LINGO2: variants seen among roughly 807,000 people sequenced by gnomAD.
The protein encoded by LINGO2 is leucine-rich repeat and immunoglobulin-like domain-containing nogo receptor-interacting protein 2.
LINGO2 carries 14 observed loss-of-function variants against 30.6 expected under a neutral mutation model. The ratio of observed to expected loss-of-function variants is 0.46; its 90% CI spans 0.30 to 0.72. LINGO2 has a LOEUF of 0.72. Ranked by LOEUF, LINGO2 falls within the 30% of genes least tolerant of loss-of-function variation. The pLI is 0.07. For missense variants in LINGO2, 729 were observed against 751.7 expected (o/e 0.97, Z 0.35); for synonymous variants, 317 against 288.5 (o/e 1.10, Z -1.00).
intron 1 of LINGO2, among the ~76,000 whole-genome samples, chr9:28,571,960 A>G (rs1031422651): frequency 5.9e-5 from 9 of 152,050 alleles, no homozygotes; most frequent in African/African-American, 2.2e-4. Flanking sequence ...AAGATAGAGT[A>G]TAACATGAGG....
At chr9:28,592,674 T>C (rs1824974310) in intron 1 of LINGO2, among the ~76,000 whole-genome samples, 1 of 151,914 alleles carries the variant, frequency 6.6e-6, no homozygotes, top group African/African-American at 2.4e-5. Flanking sequence ...GGTATGGAGG[T>C]ATGGGTGTTA....
At chr9:28,374,204 TTTTATTTATATA>T (rs1821026626) in intron 2 of LINGO2, among the ~76,000 whole-genome samples, 1 of 87,454 alleles carries the variant, frequency 1.1e-5, no homozygotes, top group Admixed American at 9.6e-5. Flanking sequence ...AAAAATATGT[TTTTATTTATATA>T]TATATATATA....
rs540669240 is a variant in LINGO2 at position 27,975,363 on chromosome 9, C to A, written c.-35-24657G>T. Among the ~76,000 whole-genome samples the A allele has an allele frequency of 1.3e-4, 19 of 151,764 alleles. No individual in the cohort carries two copies. In the South Asian group the frequency reaches 4.0e-3, roughly 32 times the overall value. ...AACCTACTTGGAATAGTGGTAAATG[C>A]TTAACAACTGGCTTTCCAAAGGGTG... On this transcript the variant is annotated intron_variant, in intron 5 of 5. Transcript: ENST00000379992.
At chr9:28,353,567 A>G (rs1415599315) in intron 3 of LINGO2, among the ~76,000 whole-genome samples, 1 of 150,658 alleles carries the variant, frequency 6.6e-6, no homozygotes, top group East Asian at 2.0e-4. Flanking sequence ...ACTGTAAACT[A>G]GTTCAACCAT....
intron 4 of LINGO2, among the ~76,000 whole-genome samples, chr9:28,155,220 C>T (rs1471018764): frequency 6.6e-6 from 1 of 152,152 alleles, no homozygotes; most frequent in Non-Finnish European, 1.5e-5. Context: ...AGACTTCCAG[C>T]AAATTCAACA....
At chr9:28,888,201 T>C in the LINGO2 span, among the ~76,000 whole-genome samples, 1 of 152,050 alleles carries the variant, frequency 6.6e-6, no homozygotes, top group African/African-American at 2.4e-5. Context: ...TTTACTATAT[T>C]CCTCCTTCAG....
chr9:27,981,478 T>C (rs1019534704), intron 5 of LINGO2, among the ~76,000 whole-genome samples: 3 of 142,066 alleles, frequency 2.1e-5, no homozygotes, highest in Non-Finnish European at 3.0e-5. Flanking sequence ...AGGGTTATTT[T>C]GAAGTATGGT....
the LINGO2 span, among the ~76,000 whole-genome samples, chr9:28,751,510 T>G: frequency 6.6e-6 from 1 of 151,928 alleles, no homozygotes; most frequent in African/African-American, 2.4e-5. Flanking sequence ...ATGACACACC[T>G]ATCACTCCAT....
At chr9:28,037,898 T>C (rs777778806) in intron 4 of LINGO2, among the ~76,000 whole-genome samples, 5 of 152,222 alleles carry the variant, frequency 3.3e-5, no homozygotes, top group African/African-American at 4.8e-5. Flanking sequence ...AAGTAACTCA[T>C]ATACAGTGTC....
At chr9:28,110,666 C>T (rs980692130) in intron 4 of LINGO2, among the ~76,000 whole-genome samples, 8 of 152,090 alleles carry the variant, frequency 5.3e-5, no homozygotes, top group African/African-American at 1.4e-4. Flanking sequence ...CAGAGAAATG[C>T]AAATCAAAAA....
intron 1 of LINGO2, among the ~76,000 whole-genome samples, chr9:28,507,676 A>G (rs1217486190): frequency 1.3e-5 from 2 of 152,148 alleles, no homozygotes; most frequent in Non-Finnish European, 2.9e-5. Context: ...ATGTATTGGT[A>G]TTTGCTTTGA....
intron 1 of LINGO2, among the ~76,000 whole-genome samples, chr9:28,644,431 C>A (rs1239237847): frequency 6.6e-6 from 1 of 151,818 alleles, no homozygotes; most frequent in African/African-American, 2.4e-5. Context: ...CCCAAAAAGA[C>A]AAACACTCGA....
intron 3 of LINGO2, among the ~76,000 whole-genome samples, chr9:28,315,359 G>T (rs1824802497): frequency 6.6e-6 from 1 of 151,156 alleles, no homozygotes; most frequent in Admixed American, 6.6e-5. Context: ...CCAAGATTGT[G>T]CCACTGCACT....
At chr9:29,086,408 T>C in the LINGO2 span, among the ~76,000 whole-genome samples, 7 of 151,878 alleles carry the variant, frequency 4.6e-5, no homozygotes, top group Admixed American at 3.9e-4. Context: ...TTAATACAGG[T>C]TGTGTGATAC....
At chr9:28,445,566 AT>A (rs201069931) in intron 2 of LINGO2, among the ~76,000 whole-genome samples, 4,705 of 152,054 alleles carry the variant, frequency 0.031, 103 homozygotes, top group Non-Finnish European at 0.047. Context: ...TAAAATTGTT[AT>A]TTTTTTTACA....
chr9:28,883,984 TG>T, the LINGO2 span, among the ~76,000 whole-genome samples: 1 of 151,692 alleles, frequency 6.6e-6, no homozygotes, highest in Non-Finnish European at 1.5e-5. Flanking sequence ...GGCTAGAATA[TG>T]TTATATTGTG....
intron 1 of LINGO2, among the ~76,000 whole-genome samples, chr9:28,616,708 C>T (rs2135806284): frequency 6.6e-6 from 1 of 152,300 alleles, no homozygotes; most frequent in East Asian, 1.9e-4. Context: ...GGACACTGTG[C>T]AATCATTTGG....
At position 28,456,765 on chromosome 9, in the gene LINGO2, T is replaced by A. The variant is rs74740131; in HGVS notation, c.-279+19175A>T. ...TGAAGCTTCTAGTTCAAGAAGTTCT[T>A]GTAAAAATATAAGAAATGAATTGGA... On this transcript the variant is annotated intron_variant, in intron 2 of 5. Coordinates refer to ENST00000379992, the Ensembl canonical transcript of LINGO2. Among the ~76,000 whole-genome samples, 1,442 of 152,320 alleles carry A rather than the reference T, an allele frequency of 9.5e-3. 23 individuals are homozygous for A. The highest frequency in any genetic ancestry group is 0.033 in the African/African-American group (1,360 of 41,558).
chr9:28,453,221 T>G (rs573810194), intron 2 of LINGO2, among the ~76,000 whole-genome samples: 2 of 151,624 alleles, frequency 1.3e-5, no homozygotes, highest in Non-Finnish European at 2.9e-5. Flanking sequence ...TAAAAAAGAG[T>G]CCCTACTCTC....
Sources: allele counts gnomAD v4.1 joint callset (sites outside exome capture counted in the v4.1 genomes callset), GRCh38; gene constraint gnomAD v4.1.1; transcripts MANE v1.5; gene names NCBI Gene and HGNC (gene_info 2026-07-23, HGNC 2026-07-21).